Variants in LPAR5 observed in about 807,000 individuals in gnomAD.
The protein encoded by LPAR5 is G protein-coupled receptor 92.
For synonymous variants in LPAR5, 271 were observed against 261.6 expected, an observed-to-expected ratio of 1.04 and a Z score of -0.35; for missense variants, 544 against 521.8, an observed-to-expected ratio of 1.04 and a Z score of -0.41.
intron 1 of LPAR5, among the ~76,000 whole-genome samples, chr12:6,622,149 C>G (rs561718654): frequency 7.6e-6 from 1 of 131,706 alleles, no homozygotes; most frequent in South Asian, 2.5e-4. Flanking sequence ...AATAGCCAGG[C>G]GCGGTGGCTC....
Position 6,619,575 on chromosome 12 carries a change from A to C in LPAR5, c.*555T>G, listed in dbSNP as rs1948868922. ...TGGATGCCAAGTCTAAATTGTCACAAGTCACTATGCGAGAAAGAATGTAGT... is the reference window on the plus strand; with the variant it reads ...TGGATGCCAAGTCTAAATTGTCACACGTCACTATGCGAGAAAGAATGTAGT... On this transcript the variant is annotated 3_prime_UTR_variant, in exon 2 of 2. Coordinates refer to ENST00000329858, the MANE Select transcript of LPAR5 (RefSeq NM_020400.6). 1 of 187,932 alleles carries C rather than the reference A, an allele frequency of 5.3e-6. No homozygotes were observed. Among genetic ancestry groups the C allele is most frequent in the Non-Finnish European group, 1.1e-5 (1 of 88,608 alleles). The allele number at this position is 187,932 out of a possible 1,614,324, so 11.6% of individuals were successfully genotyped here. A position where few individuals can be genotyped will look rare whatever the true frequency, so the allele number is the denominator to read the frequency against.
chr12:6,621,429 G>T lies in LPAR5; in HGVS notation c.-181C>A. 1.9e-6 allele frequency: 1 copy of T among 523,264 alleles called. No homozygotes were observed. 32.4% of individuals were successfully genotyped at this position (523,264 alleles called of 1,614,324 possible). A position where few individuals can be genotyped will look rare whatever the true frequency, so the allele number is the denominator to read the frequency against. ...AGGGACAGATGGCTGCCAAGGGTTG[G>T]GTGCGTTTGGTCACAGCTTCATCAG... On this transcript the variant is annotated 5_prime_UTR_variant, in exon 2 of 2. Transcript: ENST00000329858.
Position 6,619,833 on chromosome 12 carries a change from T to C in LPAR5, c.*297A>G, listed in dbSNP as rs142943701. The C allele has an allele frequency of 2.6e-3, 1,499 of 570,124 alleles. 14 individuals are homozygous for C. Among genetic ancestry groups the C allele is most frequent in the African/African-American group, 0.024 (1,281 of 54,284 alleles). The allele number at this position is 570,124 out of a possible 1,614,324, so 35.3% of individuals were successfully genotyped here. ...ACCAGCTTTTAGCAGTTTAATGCCC[T>C]GCCCACCCAAAGGCATTTCGTCCTC... On this transcript the variant is annotated 3_prime_UTR_variant, in exon 2 of 2. Transcript: ENST00000329858.
Position 6,620,603 on chromosome 12 carries a change from A to G in LPAR5, c.646T>C (p.Trp216Arg), listed in dbSNP as rs1383226596. 3.9e-6 allele frequency: 6 copies of G among 1,551,732 alleles called. No homozygotes were observed. The highest frequency in any genetic ancestry group is 5.2e-6 in the Non-Finnish European group (6 of 1,148,230). Residue 216 changes from tryptophan (W) to arginine (R), a missense_variant, in exon 2 of 2, where the codon TGG becomes CGG. Transcript: ENST00000329858. This position sits in a 1 kb window ranked among gnomAD's most constrained non-coding sequence, Gnocchi z 6.8. The stretch of plus-strand genomic sequence containing the variant: ...GTGGCGTCGGGGCGCGCCAGCGTCC[A>G]GAAGACTCGGCCCGACGAGTAGACC... ...AVVYSSGRVF[W>R]TLARPDATQS...
At chr12:6,628,929 G>A (rs972019069) in intron 1 of LPAR5, among the ~76,000 whole-genome samples, 2 of 151,352 alleles carry the variant, frequency 1.3e-5, no homozygotes, top group South Asian at 2.1e-4. Context: ...CACCATGCCC[G>A]GCCAATTTCT....
intron 1 of LPAR5, among the ~76,000 whole-genome samples, chr12:6,625,403 C>T (rs546190827): frequency 8.0e-4 from 99 of 123,932 alleles, no homozygotes; most frequent in Admixed American, 3.5e-3. Flanking sequence ...CCAGCCTGGG[C>T]AACAGAGACT....
chr12:6,625,458 A>G (rs563417151), intron 1 of LPAR5, among the ~76,000 whole-genome samples: 20 of 148,236 alleles, frequency 1.3e-4, no homozygotes, highest in East Asian at 4.0e-4. Context: ...GCGGTGGCTC[A>G]TGCCTGTAAT....
At position 6,620,053 on chromosome 12, in the gene LPAR5, T is replaced by C; in HGVS notation, c.*77A>G. On this transcript the variant is annotated 3_prime_UTR_variant, in exon 2 of 2. Transcript: ENST00000329858. This position sits in a 1 kb window ranked among gnomAD's most constrained non-coding sequence, Gnocchi z 6.8. ...AGGTCCAAGTGCCCAGCCCACCTTC[T>C]TGTGTGTACACCCTGTAAGCCTCCC... 6.3e-7 allele frequency: 1 copy of C among 1,577,852 alleles called. No homozygotes were observed. The highest frequency in any genetic ancestry group is 8.6e-7 in the Non-Finnish European group (1 of 1,157,866).
In LPAR5 at chr12:6,620,594, C is replaced by A. The variant is rs1323819326; in HGVS notation, c.655G>T (p.Ala219Ser). The A allele has an allele frequency of 6.4e-7, 1 of 1,550,830 alleles. No homozygotes were observed. The highest frequency in any genetic ancestry group is 1.4e-5 in the African/African-American group (1 of 73,220). The stretch of plus-strand genomic sequence containing the variant: ...TGGCTCTGCGTGGCGTCGGGGCGCG[C>A]CAGCGTCCAGAAGACTCGGCCCGAC... ...YSSGRVFWTL[A>S]RPDATQSQRR... Residue 219 changes from alanine to serine, a missense_variant, in exon 2 of 2, where the codon GCG becomes TCG. Transcript: ENST00000329858. This position sits in a 1 kb window ranked among gnomAD's most constrained non-coding sequence, Gnocchi z 6.8.
chr12:6,631,194 A>T (rs1948978835), intron 1 of LPAR5, among the ~76,000 whole-genome samples: 1 of 152,214 alleles, frequency 6.6e-6, no homozygotes, highest in Non-Finnish European at 1.5e-5. Flanking sequence ...ACCACTCATT[A>T]CACGTGTGTG....
intron 1 of LPAR5, among the ~76,000 whole-genome samples, chr12:6,627,970 A>G (rs562614625): frequency 6.6e-6 from 1 of 151,882 alleles, no homozygotes; most frequent in Admixed American, 6.6e-5. Flanking sequence ...CAAGATTTCA[A>G]TAACAGTTTA....
chr12:6,622,783 TAGCC>T (rs1034288262), intron 1 of LPAR5, among the ~76,000 whole-genome samples: 1 of 151,648 alleles, frequency 6.6e-6, no homozygotes, highest in Non-Finnish European at 1.5e-5. Context: ...ATTAAAAAAT[TAGCC>T]AGGCATTGTG....
In LPAR5 at chr12:6,620,206, C is replaced by G; in HGVS notation, c.1043G>C (p.Ser348Thr). 1 of 1,613,014 alleles carries G rather than the reference C, an allele frequency of 6.2e-7. No individual in the cohort carries two copies. The highest frequency in any genetic ancestry group is 2.2e-5 in the East Asian group (1 of 44,860). Residue 348 changes from serine (S) to threonine (T), a missense_variant, in exon 2 of 2, where the codon AGT (serine) becomes ACT (threonine). Transcript: ENST00000329858. This position sits in a 1 kb window ranked among gnomAD's most constrained non-coding sequence, Gnocchi z 6.8. ...TTDATRPDAA[S>T]QGLLRPSDSH... is the part of the protein sequence containing the mutation. ...GTCGGAGGGTCGGAGCAGCCCCTGA[C>G]TGGCGGCATCCGGCCTGGTGGCGTC...
intron 1 of LPAR5, among the ~76,000 whole-genome samples, chr12:6,622,808 G>A (rs1003069516): frequency 4.6e-5 from 7 of 152,208 alleles, no homozygotes; most frequent in African/African-American, 1.7e-4. Context: ...GCACATGCCC[G>A]TAGTCCCAGC....
chr12:6,620,343 C>T lies in LPAR5; in HGVS notation c.906G>A (p.Glu302=). ...LDPLVYYFSA[E]GFRNTLRGLG... ...GGCCGCGCAGGGTGTTGCGGAAGCCCTCGGCGCTAAAGTAGTACACCAGCG... is the reference window on the plus strand; with the variant it reads ...GGCCGCGCAGGGTGTTGCGGAAGCCTTCGGCGCTAAAGTAGTACACCAGCG... Residue 302 remains glutamate, a synonymous_variant, in exon 2 of 2, where the codon GAG becomes GAA. Coordinates refer to ENST00000329858, the MANE Select transcript of LPAR5 (RefSeq NM_020400.6). The surrounding 1 kb of genome is among the most constrained non-coding windows in gnomAD (Gnocchi z 6.8). The T allele has an allele frequency of 1.9e-6, 3 of 1,610,902 alleles. No individual in the cohort carries two copies. Among genetic ancestry groups the T allele is most frequent in the African/African-American group, 1.3e-5 (1 of 75,018 alleles).
chr12:6,620,399 G>T lies in LPAR5; in HGVS notation c.850C>A (p.Leu284Met). Residue 284 changes from leucine to methionine, a missense_variant, in exon 2 of 2, where the codon CTG becomes ATG. Leu to Met is a conservative substitution (Grantham distance 15). Transcript: ENST00000329858. The surrounding 1 kb of genome is among the most constrained non-coding windows in gnomAD (Gnocchi z 6.8). ...RVRGVLMVMV[L>M]LAGANCVLDP... ...AGCACGCAGTTGGCGCCGGCCAGCA[G>T]CACCATCACCATCAGCACCCCGCGC... 2 of 1,611,460 alleles carry T rather than the reference G, an allele frequency of 1.2e-6. No individual in the cohort carries two copies. Among genetic ancestry groups the T allele is most frequent in the Non-Finnish European group, 1.7e-6 (2 of 1,179,200 alleles).
intron 1 of LPAR5, among the ~76,000 whole-genome samples, chr12:6,625,420 CAAAA>C (rs34197416): frequency 5.2e-5 from 6 of 115,360 alleles, no homozygotes; most frequent in Non-Finnish European, 7.0e-5. Flanking sequence ...GACTCCGTCT[CAAAA>C]AAAAAAAAAA....
At position 6,621,054 on chromosome 12, in the gene LPAR5, C is replaced by A. The variant is rs116577757; in HGVS notation, c.195G>T (p.Ala65=). 1 of 1,605,364 alleles carries A rather than the reference C, an allele frequency of 6.2e-7. No homozygotes were observed. Among genetic ancestry groups the A allele is most frequent in the African/African-American group, 1.3e-5 (1 of 74,842 alleles). ...SVVSVYMCNL[A]ASDLLFTLSL... is the part of the protein sequence containing the mutation. ...AGAGGGTGAAGAGCAGGTCGCTGGC[C>A]GCCAGGTTACACATGTACACGCTCA... Residue 65 remains alanine (A), a synonymous_variant, in exon 2 of 2, where the codon GCG becomes GCT. Coordinates refer to ENST00000329858, the MANE Select transcript of LPAR5 (RefSeq NM_020400.6).
intron 1 of LPAR5, among the ~76,000 whole-genome samples, chr12:6,635,186 C>T (rs1949002725): frequency 6.6e-6 from 1 of 152,098 alleles, no homozygotes; most frequent in African/African-American, 2.4e-5. Context: ...GGGGGCCCCA[C>T]AACCACAGGG....
Sources: allele counts gnomAD v4.1 joint callset (sites outside exome capture counted in the v4.1 genomes callset), GRCh38; gene constraint gnomAD v4.1.1; non-coding constraint Gnocchi (gnomAD v3.1); transcripts MANE v1.5; gene names NCBI Gene and HGNC (gene_info 2026-07-23, HGNC 2026-07-21).